The following SIRPA variants were observed in gnomAD, a reference collection of about 807,000 sequenced individuals.
SIRPA encodes signal regulatory protein alpha.
A neutral mutation model predicts 50.3 loss-of-function variants in SIRPA; 9 were observed. That is an observed-to-expected ratio of 0.18 (90% CI 0.11 to 0.31). The LOEUF is 0.31. Among genes scored for constraint, SIRPA ranks in the 10% least tolerant of loss-of-function variants. SIRPA has a pLI of 1.00. For synonymous variants in SIRPA, 265 were observed against 284.1 expected (o/e 0.93, Z 0.68); for missense variants, 474 against 661.6 (o/e 0.72, Z 3.11).
intron 1 of SIRPA, among the ~76,000 whole-genome samples, chr20:1,910,524 A>G (rs1459666272): frequency 1.3e-5 from 2 of 152,202 alleles, no homozygotes; most frequent in Admixed American, 6.5e-5. Context: ...TTCTCTAGAC[A>G]TGCGATTGAC....
At chr20:1,912,845 G>A (rs1007638394) in intron 1 of SIRPA, among the ~76,000 whole-genome samples, 13 of 152,324 alleles carry the variant, frequency 8.5e-5, no homozygotes, top group African/African-American at 3.1e-4. Context: ...TTTCCAGTTG[G>A]TCCAGTCTCG....
chr20:1,935,418 C>T (rs1025915284), intron 7 of SIRPA, among the ~76,000 whole-genome samples: 10 of 152,240 alleles, frequency 6.6e-5, no homozygotes, highest in African/African-American at 9.6e-5. Context: ...AACGAGAGCG[C>T]GCCAGCTGTC....
intron 2 of SIRPA, among the ~76,000 whole-genome samples, chr20:1,920,958 C>G (rs926444631): frequency 6.6e-6 from 1 of 152,228 alleles, no homozygotes; most frequent in Non-Finnish European, 1.5e-5. Context: ...CGGCCTGGTT[C>G]CAGCTCTCAT....
At chr20:1,925,249 G>A (rs1256009875) in intron 5 of SIRPA, among the ~76,000 whole-genome samples, 2 of 152,206 alleles carry the variant, frequency 1.3e-5, no homozygotes, top group Non-Finnish European at 2.9e-5. Flanking sequence ...TACAAGTCTA[G>A]GTTACATGAC....
Position 1,924,697 on chromosome 20 carries a change from C to T in SIRPA, c.1088-67C>T, listed in dbSNP as rs955782602. Reference sequence around the variant, plus strand: ...ATGATGCCTGCTTAGTGGTGAAAAGCAGTGGTGGGTTTGGTTTTCTGTTTT... The same window carrying T: ...ATGATGCCTGCTTAGTGGTGAAAAGTAGTGGTGGGTTTGGTTTTCTGTTTT... On this transcript the variant is annotated intron_variant, in intron 4 of 7. Transcript: ENST00000358771. The surrounding 1 kb of genome is among the most constrained non-coding windows in gnomAD (Gnocchi z 4.5). The T allele has an allele frequency of 2.3e-5, 30 of 1,286,858 alleles. No individual in the cohort carries two copies. Among genetic ancestry groups the T allele is most frequent in the Non-Finnish European group, 3.4e-5 (30 of 886,486 alleles). 79.7% of individuals were successfully genotyped at this position (1,286,858 alleles called of 1,614,324 possible). A position where few individuals can be genotyped will look rare whatever the true frequency, so the allele number is the denominator to read the frequency against.
At position 1,936,398 on chromosome 20, in the gene SIRPA, C is replaced by T. The variant is rs539203947; in HGVS notation, c.1267-922C>T. Among the ~76,000 whole-genome samples, 1 of 152,316 alleles carries T rather than the reference C, an allele frequency of 6.6e-6. No homozygotes were observed. Among genetic ancestry groups the T allele is most frequent in the Admixed American group, 6.5e-5 (1 of 15,300 alleles). ...CCTGGATAATCTCATTCCATCCTCA[C>T]AGCAACCCTGGCAGTAGACACTATT... On this transcript the variant is annotated intron_variant, in intron 7 of 7. Transcript: ENST00000358771. The surrounding 1 kb of genome is among the most constrained non-coding windows in gnomAD (Gnocchi z 4.2).
chr20:1,912,151 A>T (rs1409367964), intron 1 of SIRPA, among the ~76,000 whole-genome samples: 1 of 151,308 alleles, frequency 6.6e-6, no homozygotes, highest in Admixed American at 6.6e-5. Flanking sequence ...AGCGCTACAC[A>T]ACTCCAGATT....
intron 2 of SIRPA, among the ~76,000 whole-genome samples, chr20:1,920,651 T>G (rs1985594048): frequency 6.6e-6 from 1 of 152,246 alleles, no homozygotes; most frequent in South Asian, 2.1e-4. Flanking sequence ...TATCCCTTCC[T>G]TTCAAATTTA....
intron 2 of SIRPA, among the ~76,000 whole-genome samples, chr20:1,921,048 G>A (rs1295383988): frequency 6.6e-6 from 1 of 152,196 alleles, no homozygotes; most frequent in African/African-American, 2.4e-5. Flanking sequence ...TGCCAGGGGA[G>A]GCAGGGTAGA....
chr20:1,929,366 AG>A (rs2122160696), intron 6 of SIRPA, among the ~76,000 whole-genome samples: 1 of 152,216 alleles, frequency 6.6e-6, no homozygotes, highest in South Asian at 2.1e-4. Context: ...TATATTTTGA[AG>A]GTAGACACAA....
In SIRPA at chr20:1,937,241, G is replaced by T; in HGVS notation, c.1267-79G>T. On this transcript the variant is annotated intron_variant, in intron 7 of 7. Coordinates refer to ENST00000358771, the MANE Select transcript of SIRPA (RefSeq NM_001040023.2). This position sits in a 1 kb window ranked among gnomAD's most constrained non-coding sequence, Gnocchi z 8.3. ...AGAGGACACAGAAGCATCCAGACTT[G>T]GTATTCAGTTTGAGTGAGTGGGCCA... is the stretch of plus-strand genomic sequence containing the variant. The T allele has an allele frequency of 1.3e-6, 2 of 1,509,738 alleles. No homozygotes were observed. The highest frequency in any genetic ancestry group is 1.8e-6 in the Non-Finnish European group (2 of 1,108,514). The allele number at this position is 1,509,738 out of a possible 1,614,324, so 93.5% of individuals were successfully genotyped here. A position where few individuals can be genotyped will look rare whatever the true frequency, so the allele number is the denominator to read the frequency against.
intron 2 of SIRPA, among the ~76,000 whole-genome samples, chr20:1,916,250 C>T (rs1985285877): frequency 6.6e-6 from 1 of 152,168 alleles, no homozygotes; most frequent in Admixed American, 6.5e-5. Context: ...GCCCCAGGAT[C>T]CTTGTTCTAA....
At chr20:1,919,278 G>A (rs1193667109) in intron 2 of SIRPA, among the ~76,000 whole-genome samples, 1 of 152,252 alleles carries the variant, frequency 6.6e-6, no homozygotes, top group Non-Finnish European at 1.5e-5. Context: ...ATGGGCCTAG[G>A]CATCTAAAGT....
At chr20:1,901,728 A>T (rs1393641987) in intron 1 of SIRPA, among the ~76,000 whole-genome samples, 2 of 152,168 alleles carry the variant, frequency 1.3e-5, no homozygotes, top group Non-Finnish European at 2.9e-5. Flanking sequence ...GAAATGCTGC[A>T]GAATTGGTTC....
At position 1,937,715 on chromosome 20, in the gene SIRPA, C is replaced by T; in HGVS notation, c.*147C>T. The stretch of plus-strand genomic sequence containing the variant: ...CAGGGGCCAGGGTGGCTCTTCTCTC[C>T]CCACCCCTCCTTGGCTCTCCAGCAC... On this transcript the variant is annotated 3_prime_UTR_variant, in exon 8 of 8. Transcript: ENST00000358771. This position sits in a 1 kb window ranked among gnomAD's most constrained non-coding sequence, Gnocchi z 8.3. 1 of 992,006 alleles carries T rather than the reference C, an allele frequency of 1.0e-6. No individual in the cohort carries two copies. Among genetic ancestry groups the T allele is most frequent in the African/African-American group, 1.6e-5 (1 of 61,392 alleles). The allele number at this position is 992,006 out of a possible 1,614,324, so 61.5% of individuals were successfully genotyped here.
intron 5 of SIRPA, among the ~76,000 whole-genome samples, chr20:1,925,483 G>A (rs62192722): frequency 0.018 from 2,695 of 152,326 alleles, 38 homozygotes; most frequent in Middle Eastern, 0.085. Context: ...GCCTTTGACT[G>A]CACAGCAGGA....
At chr20:1,911,965 CT>C (rs971219946) in intron 1 of SIRPA, among the ~76,000 whole-genome samples, 1 of 152,014 alleles carries the variant, frequency 6.6e-6, no homozygotes, top group African/African-American at 2.4e-5. Context: ...AAAAAAACCC[CT>C]CTCTACTGGA....
chr20:1,902,792 A>T (rs938680544), intron 1 of SIRPA, among the ~76,000 whole-genome samples: 8 of 152,156 alleles, frequency 5.3e-5, no homozygotes, highest in Non-Finnish European at 8.8e-5. Flanking sequence ...TGGGCAGATC[A>T]CCTGAGGTCA....
Position 1,908,238 on chromosome 20 carries a change from C to T in SIRPA, c.80-6861C>T, listed in dbSNP as rs1009063921. Among the ~76,000 whole-genome samples, 3 of 152,048 alleles carry T rather than the reference C, an allele frequency of 2.0e-5. No homozygotes were observed. In the South Asian group the frequency reaches 6.2e-4, roughly 32 times the overall value. On this transcript the variant is annotated intron_variant, in intron 1 of 7. Coordinates refer to ENST00000358771, the MANE Select transcript of SIRPA (RefSeq NM_001040023.2). ...GGACACACTCCCGAACACAGGCACA[C>T]GGACACCTGGGGTGCACACAAATAG...
Sources: allele counts gnomAD v4.1 joint callset (sites outside exome capture counted in the v4.1 genomes callset), GRCh38; gene constraint gnomAD v4.1.1; non-coding constraint Gnocchi (gnomAD v3.1); transcripts MANE v1.5; gene names NCBI Gene and HGNC (gene_info 2026-07-23, HGNC 2026-07-21).